LRMDA: variants seen among roughly 807,000 people sequenced by gnomAD.
LRMDA encodes the protein leucine rich melanocyte differentiation associated, also known as leucine-rich melanocyte differentiation-associated protein.
LRMDA carries 18 observed loss-of-function variants against 29.8 expected under a neutral mutation model. The ratio of observed to expected loss-of-function variants is 0.60; its 90% CI spans 0.42 to 0.90. The LOEUF (loss-of-function observed/expected upper bound fraction) is 0.90, where lower values mean the gene tolerates loss of function less well. LRMDA is among the 40% of genes least tolerant of loss of function. The probability of loss-of-function intolerance (pLI) is 0.00; values close to 1 mark genes in which losing one functional copy is unlikely to be tolerated. For missense variants in LRMDA, 273 were observed against 273.9 expected (o/e 1.00, Z 0.02); for synonymous variants, 125 against 109.4 (o/e 1.14, Z -0.89).
intron 6 of LRMDA, among the ~76,000 whole-genome samples, chr10:76,391,103 A>G (rs191221484): frequency 1.3e-5 from 2 of 152,314 alleles, no homozygotes; most frequent in Admixed American, 1.3e-4. Context: ...TAAAACCTCT[A>G]ACCAATATTC....
intron 6 of LRMDA, among the ~76,000 whole-genome samples, chr10:76,363,653 C>A (rs1057514344): frequency 2.0e-5 from 3 of 152,052 alleles, no homozygotes; most frequent in African/African-American, 7.2e-5. Context: ...TCCTTCATTC[C>A]TTTTCCCCTC....
chr10:75,849,639 T>C (rs1844698156), intron 2 of LRMDA, among the ~76,000 whole-genome samples: 1 of 152,048 alleles, frequency 6.6e-6, no homozygotes, highest in African/African-American at 2.4e-5. Context: ...TTAGGAAAAA[T>C]AGCTAAAGCA....
chr10:76,263,628 G>A (rs1589400402), intron 5 of LRMDA, among the ~76,000 whole-genome samples: 2 of 152,182 alleles, frequency 1.3e-5, no homozygotes, highest in African/African-American at 2.4e-5. Flanking sequence ...TTCATTCTTG[G>A]ATCCCTACCG....
intron 5 of LRMDA, among the ~76,000 whole-genome samples, chr10:76,116,209 A>G (rs73285204): frequency 0.019 from 2,964 of 152,230 alleles, 103 homozygotes; most frequent in African/African-American, 0.067. Flanking sequence ...TAGAGCTGAT[A>G]TTTCAATTTA....
chr10:76,223,952 A>G (rs1200460002), intron 5 of LRMDA, among the ~76,000 whole-genome samples: 2 of 151,906 alleles, frequency 1.3e-5, no homozygotes, highest in Non-Finnish European at 2.9e-5. Context: ...TGCCTGCCGG[A>G]TATGGAAGGT....
intron 6 of LRMDA, among the ~76,000 whole-genome samples, chr10:76,357,762 C>G (rs1841260241): frequency 6.6e-6 from 1 of 152,206 alleles, no homozygotes; most frequent in Non-Finnish European, 1.5e-5. Context: ...TAGAGACCCA[C>G]ATTTCCAGCT....
intron 2 of LRMDA, among the ~76,000 whole-genome samples, chr10:75,514,574 A>G (rs1481830586): frequency 6.6e-6 from 1 of 152,120 alleles, no homozygotes; most frequent in Non-Finnish European, 1.5e-5. Flanking sequence ...GGGTGGATCC[A>G]TCATGAATGG....
At chr10:75,490,280 G>A (rs892901339) in intron 2 of LRMDA, among the ~76,000 whole-genome samples, 2 of 151,928 alleles carry the variant, frequency 1.3e-5, no homozygotes, top group Admixed American at 6.6e-5. Flanking sequence ...AAAAATTAGT[G>A]ATGATGAGAA....
At chr10:75,589,189 T>G (rs1840691292) in intron 2 of LRMDA, among the ~76,000 whole-genome samples, 1 of 152,216 alleles carries the variant, frequency 6.6e-6, no homozygotes, top group African/African-American at 2.4e-5. Context: ...ATTGTACTCC[T>G]CAGGAGCTGA....
intron 5 of LRMDA, among the ~76,000 whole-genome samples, chr10:76,100,773 C>T (rs1056197944): frequency 5.9e-5 from 9 of 152,174 alleles, no homozygotes; most frequent in African/African-American, 2.2e-4. Flanking sequence ...TTGAAGAGCT[C>T]TCTGCCTTTC....
rs187292427 is a variant in LRMDA at position 76,200,187 on chromosome 10, C to T, written c.517-124214C>T. 3.3e-5 allele frequency among the ~76,000 whole-genome samples: 5 copies of T among 152,224 alleles called. No individual in the cohort carries two copies. In the East Asian group the frequency reaches 7.7e-4, roughly 24 times the overall value. ...TGATGTTTCCCAGGCTGGTCTTGAA[C>T]TCCTGAACTGAAGCAATCCTCCTGC... On this transcript the variant is annotated intron_variant, in intron 5 of 6. Transcript: ENST00000611255.
chr10:76,267,057 C>T (rs1488679908), intron 5 of LRMDA, among the ~76,000 whole-genome samples: 2 of 152,050 alleles, frequency 1.3e-5, no homozygotes, highest in Non-Finnish European at 2.9e-5. Context: ...AGTCATGCCT[C>T]CTTCTATAGG....
At chr10:76,190,582 G>T (rs1171604325) in intron 5 of LRMDA, among the ~76,000 whole-genome samples, 2 of 152,276 alleles carry the variant, frequency 1.3e-5, no homozygotes, top group Non-Finnish European at 2.9e-5. Context: ...AGTCCCAGAT[G>T]GGTGTGTGGT....
At chr10:75,532,338 C>T (rs763192705) in intron 2 of LRMDA, among the ~76,000 whole-genome samples, 1 of 152,108 alleles carries the variant, frequency 6.6e-6, no homozygotes, top group Non-Finnish European at 1.5e-5. Context: ...TTTCTTGTGC[C>T]AAATTCTGGA....
At chr10:76,315,314 C>T (rs1215933033) in intron 5 of LRMDA, among the ~76,000 whole-genome samples, 1 of 152,162 alleles carries the variant, frequency 6.6e-6, no homozygotes, top group Non-Finnish European at 1.5e-5. Flanking sequence ...GTTGAAGGGG[C>T]GGGAGCCCGC....
intron 2 of LRMDA, among the ~76,000 whole-genome samples, chr10:75,655,769 C>T (rs1841662121): frequency 6.6e-6 from 1 of 152,182 alleles, no homozygotes; most frequent in South Asian, 2.1e-4. Context: ...AGGTTTGGGC[C>T]TCGCGGTGTC....
intron 2 of LRMDA, among the ~76,000 whole-genome samples, chr10:75,911,011 AT>A (rs5786199): frequency 4.4e-4 from 65 of 148,298 alleles, no homozygotes; most frequent in African/African-American, 1.2e-3. Flanking sequence ...ATTAAACAGC[AT>A]TTTTTTTTTG....
At position 75,499,489 on chromosome 10, in the gene LRMDA, A is replaced by G. The variant is rs1845087334; in HGVS notation, c.131+60995A>G. Among the ~76,000 whole-genome samples the G allele has an allele frequency of 2.0e-5, 3 of 152,324 alleles. No homozygotes were observed. The South Asian group carries it at 6.2e-4, about 32-fold the overall frequency. On this transcript the variant is annotated intron_variant, in intron 2 of 6. Coordinates refer to ENST00000611255, the MANE Select transcript of LRMDA (RefSeq NM_001305581.2). ...CTTGACTGTCTTTTCTGAAAAATGG[A>G]GATGATAATAGCACTTTACTTCACA...
chr10:75,697,854 T>TGTGTGTGTGTGTGTGTGTGC (rs1443157627), intron 2 of LRMDA, among the ~76,000 whole-genome samples: 131 of 151,612 alleles, frequency 8.6e-4, no homozygotes, highest in African/African-American at 2.9e-3. Flanking sequence ...TGTGTGTGCG[T>TGTGTGTGTGTGTGTGTGTGC]GTGTGTGTGT....
Sources: allele counts gnomAD v4.1 joint callset (sites outside exome capture counted in the v4.1 genomes callset), GRCh38; gene constraint gnomAD v4.1.1; transcripts MANE v1.5; gene names NCBI Gene and HGNC (gene_info 2026-07-23, HGNC 2026-07-21).